Variants in ANK3 observed in about 807,000 individuals in gnomAD.
ANK3 encodes the protein ankyrin 3.
ANK3 carries 57 observed loss-of-function variants against 370.9 expected under a neutral mutation model. The ratio of observed to expected loss-of-function variants is 0.15; its 90% CI spans 0.12 to 0.19. ANK3 has a LOEUF of 0.19. Ranked by LOEUF, ANK3 falls within the 10% of genes least tolerant of loss-of-function variation. The pLI is 1.00. For synonymous variants in ANK3, 1,929 were observed against 1,946.3 expected (o/e 0.99, Z 0.23); for missense variants, 4,439 against 5,302.1 (o/e 0.84, Z 5.06).
chr10:60,163,269 G>C (rs997335391), intron 23 of ANK3, among the ~76,000 whole-genome samples: 4 of 152,168 alleles, frequency 2.6e-5, no homozygotes, highest in Non-Finnish European at 4.4e-5. Context: ...TATATGCATA[G>C]GTATTTTCTG....
intron 1 of ANK3, among the ~76,000 whole-genome samples, chr10:60,703,052 C>A (rs1438897791): frequency 3.9e-5 from 6 of 152,072 alleles, no homozygotes; most frequent in African/African-American, 9.7e-5. Context: ...TCCAGAAAAG[C>A]AGAAACCCAC....
At chr10:60,317,428 C>T (rs1056405655) in intron 1 of ANK3, among the ~76,000 whole-genome samples, 1 of 152,104 alleles carries the variant, frequency 6.6e-6, no homozygotes, top group Non-Finnish European at 1.5e-5. Context: ...CCGGCCCCTA[C>T]TTGGATGCCT....
chr10:60,054,697 C>T (rs2078801312), intron 42 of ANK3, among the ~76,000 whole-genome samples: 1 of 152,188 alleles, frequency 6.6e-6, no homozygotes, highest in Admixed American at 6.5e-5. Flanking sequence ...TCAAATCAAT[C>T]TTGAACTCAT....
Position 60,069,318 on chromosome 10 carries a change from C to T in ANK3, c.11563G>A (p.Glu3855Lys). The change falls in exon 37 of 44, where the codon GAA (glutamate) becomes AAA (lysine). Residue 3855 changes from glutamate to lysine, a missense_variant. Physicochemically the swap from Glu to Lys is moderately conservative, Grantham distance 56. Around this residue, in one of 13 missense-constraint regions of ANK3, gnomAD observed 496 missense variants for 529.3 expected, o/e 0.94. Transcript: ENST00000280772. The stretch of plus-strand genomic sequence containing the variant: ...GATTTTTGCCTAATCCCTATCAATT[C>T]CTTTGTTTTTTGCTGTTCTCCAAGA... ...KVLGEQQKTK[E>K]LIGIRQKSKL... 6.2e-7 allele frequency: 1 copy of T among 1,614,016 alleles called. No individual in the cohort carries two copies. Among genetic ancestry groups the T allele is most frequent in the Non-Finnish European group, 8.5e-7 (1 of 1,179,982 alleles).
At chr10:60,118,645 G>A (rs1169568709) in intron 25 of ANK3, among the ~76,000 whole-genome samples, 1 of 149,566 alleles carries the variant, frequency 6.7e-6, no homozygotes, top group African/African-American at 2.5e-5. Flanking sequence ...ACAAAGTAGT[G>A]ATGTTCCTTT....
At chr10:60,559,925 C>G (rs1311171340) in intron 2 of ANK3, among the ~76,000 whole-genome samples, 5 of 152,074 alleles carry the variant, frequency 3.3e-5, no homozygotes, top group Non-Finnish European at 1.5e-5. Flanking sequence ...TGCCTATAAT[C>G]CCAGCTACTC....
intron 40 of ANK3, chr10:60,060,147 T>TA (rs1813978680): frequency 1.7e-6 from 1 of 594,738 alleles, no homozygotes; most frequent in Non-Finnish European, 2.7e-6. Context: ...ATCGGTTTAG[T>TA]TCAATTAAAT....
At chr10:60,521,285 T>A (rs1350611507) in intron 2 of ANK3, among the ~76,000 whole-genome samples, 2 of 152,152 alleles carry the variant, frequency 1.3e-5, no homozygotes, top group South Asian at 2.1e-4. Context: ...GTATTGCAAC[T>A]AATTTTTTTA....
At chr10:60,684,793 T>C in intron 1 of ANK3, 1 of 1,548,268 alleles carries the variant, frequency 6.5e-7, no homozygotes, top group Admixed American at 1.7e-5. Context: ...AGATGGCATT[T>C]TATTTCTTAT....
chr10:60,027,716 C>A lies in ANK3; in HGVS notation c.*2130G>T, dbSNP rs1057146185. 6.6e-6 allele frequency: 1 copy of A among 152,204 alleles called. No individual in the cohort carries two copies. The highest frequency in any genetic ancestry group is 1.5e-5 in the Non-Finnish European group (1 of 68,034). The allele number at this position is 152,204 out of a possible 1,614,324, so 9.4% of individuals were successfully genotyped here. A position where few individuals can be genotyped will look rare whatever the true frequency, so the allele number is the denominator to read the frequency against. On this transcript the variant is annotated 3_prime_UTR_variant, in exon 44 of 44. Coordinates refer to ENST00000280772, the MANE Select transcript of ANK3 (RefSeq NM_020987.5). ...TGATGATGATCACAGTTACTACTATCACTACTACCATATGCTAAGCTGGTA... is the reference window on the plus strand; with the variant it reads ...TGATGATGATCACAGTTACTACTATAACTACTACCATATGCTAAGCTGGTA...
chr10:60,083,349 T>G (rs1589736389), intron 33 of ANK3, 143 bp downstream of exon 33: 1 of 831,892 alleles, frequency 1.2e-6, no homozygotes, highest in Non-Finnish European at 1.8e-6. Flanking sequence ...TATACTCTGG[T>G]AGAACCAGAA....
intron 1 of ANK3, chr10:60,615,288 G>A (rs16915231): frequency 0.15 from 180,623 of 1,203,976 alleles, 15,570 homozygotes; most frequent in East Asian, 0.33. Context: ...TACCATGACG[G>A]TGATTTACAC....
At chr10:60,176,383 A>C (rs1176825603) in intron 18 of ANK3, among the ~76,000 whole-genome samples, 1 of 150,140 alleles carries the variant, frequency 6.7e-6, no homozygotes, top group Non-Finnish European at 1.5e-5. Flanking sequence ...AAAAAAAAAA[A>C]AGAAAGAAAA....
At chr10:60,036,401 G>A (rs548361779) in intron 43 of ANK3, among the ~76,000 whole-genome samples, 52 of 148,154 alleles carry the variant, frequency 3.5e-4, no homozygotes, top group Non-Finnish European at 6.5e-4. Context: ...GGAGCTCTGC[G>A]GAAGAGAGAG....
chr10:60,683,979 G>A (rs16915388), intron 1 of ANK3, among the ~76,000 whole-genome samples: 7,911 of 152,188 alleles, frequency 0.052, 291 homozygotes, highest in African/African-American at 0.086. Flanking sequence ...TGGAAATACC[G>A]TCATTCTCTA....
rs1448721275 is a variant in ANK3 at position 60,181,447 on chromosome 10, C to T, written c.2086-20G>A. 2.2e-5 allele frequency: 36 copies of T among 1,607,024 alleles called. No homozygotes were observed. Among genetic ancestry groups the T allele is most frequent in the Admixed American group, 3.3e-5 (2 of 59,986 alleles). The stretch of plus-strand genomic sequence containing the variant: ...GCCGCTCTGCAAAAGATTCAAAGGG[C>T]ACAGTCATCGTACAGGAAGGAATGT... On this transcript the variant is annotated intron_variant, in intron 17 of 43. Transcript: ENST00000280772.
At chr10:60,278,407 C>T (rs2098119415) in intron 4 of ANK3, among the ~76,000 whole-genome samples, 2 of 152,126 alleles carry the variant, frequency 1.3e-5, no homozygotes, top group Non-Finnish European at 2.9e-5. Context: ...CAGAGGCTTG[C>T]TCTGTCACCC....
chr10:60,598,108 T>C (rs1003313450), intron 2 of ANK3, among the ~76,000 whole-genome samples: 6 of 152,188 alleles, frequency 3.9e-5, no homozygotes, highest in African/African-American at 1.4e-4. Context: ...TTACAGCATC[T>C]TATTCTTTAA....
intron 1 of ANK3, among the ~76,000 whole-genome samples, chr10:60,296,789 G>C (rs1248475260): frequency 2.0e-5 from 3 of 152,024 alleles, no homozygotes; most frequent in East Asian, 3.9e-4. Context: ...AGCTTGGGCT[G>C]AACATAGTGG....
Sources: gnomAD v4.1 joint callset for allele counts (sites outside exome capture counted in the v4.1 genomes callset) on GRCh38, gnomAD v4.1.1 for gene constraint, gnomAD v4.1.1 regional missense constraint, MANE v1.5 for transcripts, NCBI Gene and HGNC (gene_info 2026-07-23, HGNC 2026-07-21) for gene names.